ZNF609: variants seen among roughly 807,000 people sequenced by gnomAD.
ZNF609 encodes the protein zinc finger protein 609.
In ZNF609, 11 loss-of-function variants were observed where a neutral mutation model predicts 109.5. The ratio of observed to expected loss-of-function variants is 0.10; its 90% CI spans 0.06 to 0.17. ZNF609 has a LOEUF of 0.17. ZNF609 is among the 10% of genes least tolerant of loss of function. ZNF609 has a pLI of 1.00. For missense variants in ZNF609, 1,559 were observed against 1,772.4 expected (o/e 0.88, Z 2.16); for synonymous variants, 646 against 662.0 (o/e 0.98, Z 0.37).
At chr15:64,654,209 G>T (rs1340127845) in intron 3 of ZNF609, 4 of 152,126 alleles carry the variant, frequency 2.6e-5, no homozygotes, top group Admixed American at 2.0e-4. Context: ...GCTAATTTTT[G>T]TATTTTTAGT....
At chr15:64,576,102 AAAT>A (rs547815852) in intron 2 of ZNF609, among the ~76,000 whole-genome samples, 116 of 152,108 alleles carry the variant, frequency 7.6e-4, no homozygotes, top group African/African-American at 2.5e-3. Context: ...ACTCAGTCTC[AAAT>A]AATAATAATA....
chr15:64,626,010 G>A (rs1159114482), intron 3 of ZNF609, among the ~76,000 whole-genome samples: 1 of 145,538 alleles, frequency 6.9e-6, no homozygotes, highest in Non-Finnish European at 1.5e-5. Flanking sequence ...TGGTGTCGAA[G>A]TACTTTCCAA....
chr15:64,613,818 G>C (rs1895754660), intron 2 of ZNF609, among the ~76,000 whole-genome samples: 1 of 152,028 alleles, frequency 6.6e-6, no homozygotes, highest in African/African-American at 2.4e-5. Context: ...AAAGTGCTGG[G>C]ATTACAGGCG....
intron 2 of ZNF609, among the ~76,000 whole-genome samples, chr15:64,504,636 G>GT (rs767874531): frequency 0.017 from 2,387 of 136,932 alleles, 47 homozygotes; most frequent in African/African-American, 0.051. Flanking sequence ...TGCCTGGCTA[G>GT]TTTTTTTTTT....
At chr15:64,659,474 T>G (rs1235181966) in intron 3 of ZNF609, among the ~76,000 whole-genome samples, 1 of 152,108 alleles carries the variant, frequency 6.6e-6, no homozygotes, top group Non-Finnish European at 1.5e-5. Context: ...AGAAGGAAGT[T>G]GGATGTAATA....
intron 2 of ZNF609, among the ~76,000 whole-genome samples, chr15:64,595,324 G>A (rs562246720): frequency 1.3e-5 from 2 of 148,718 alleles, no homozygotes; most frequent in East Asian, 4.0e-4. Context: ...TCATGCCACT[G>A]CACTCCAGCC....
At chr15:64,600,589 T>C (rs1895481123) in intron 2 of ZNF609, among the ~76,000 whole-genome samples, 1 of 147,544 alleles carries the variant, frequency 6.8e-6, no homozygotes, top group South Asian at 2.2e-4. Flanking sequence ...TGAGCCAAGA[T>C]TGTGCCACTG....
chr15:64,590,569 T>G lies in ZNF609; in HGVS notation c.748-32258T>G, dbSNP rs557060701. ...CCTGGCCTCAGATGATCCATCCACC[T>G]TGGCCTCCCAAAGTGCTGGAATTGC... On this transcript the variant is annotated intron_variant, in intron 2 of 9. Coordinates refer to ENST00000326648, the MANE Select transcript of ZNF609 (RefSeq NM_015042.2). 5.3e-5 allele frequency among the ~76,000 whole-genome samples: 8 copies of G among 152,152 alleles called. No homozygotes were observed. In the South Asian group the frequency reaches 1.2e-3, roughly 24 times the overall value.
chr15:64,519,115 AGGGCGGGGGGCGGG>A (rs953607787), intron 2 of ZNF609, among the ~76,000 whole-genome samples: 8 of 10,166 alleles, frequency 7.9e-4, no homozygotes, highest in East Asian at 7.8e-3. Flanking sequence ...TGGCGGGTGC[AGGGCGGGGGGCGGG>A]GGGCGGGGGC....
intron 2 of ZNF609, among the ~76,000 whole-genome samples, chr15:64,575,378 C>T (rs1029947608): frequency 1.2e-4 from 18 of 151,018 alleles, no homozygotes; most frequent in South Asian, 8.3e-4. Context: ...GAGCCTAGAT[C>T]GCACCATTGC....
chr15:64,547,567 G>A (rs541142033), intron 2 of ZNF609, among the ~76,000 whole-genome samples: 3 of 152,142 alleles, frequency 2.0e-5, no homozygotes, highest in South Asian at 4.1e-4. Context: ...ATCTGGCTCT[G>A]GCTCATAAGA....
intron 2 of ZNF609, among the ~76,000 whole-genome samples, chr15:64,549,437 A>G (rs1894426650): frequency 6.6e-6 from 1 of 152,178 alleles, no homozygotes; most frequent in Non-Finnish European, 1.5e-5. Flanking sequence ...AGGCCTCCCA[A>G]AGTGCTGGGA....
Position 64,681,334 on chromosome 15 carries a change from C to T in ZNF609, c.4188C>T (p.Ala1396=). ...GGCTTTCTTCTACAGCCATTGTTGC[C>T]AGCCAACAAGGCTCAACTCCCTCAC... ...AAGLSSTAIV[A]SQQGSTPSLY... is the part of the protein sequence containing the mutation. The change falls in exon 9 of 10, where the codon GCC becomes GCT. Residue 1396 remains alanine, a synonymous_variant. Coordinates refer to ENST00000326648, the MANE Select transcript of ZNF609 (RefSeq NM_015042.2). 6.2e-7 allele frequency: 1 copy of T among 1,614,074 alleles called. No individual in the cohort carries two copies. The highest frequency in any genetic ancestry group is 8.5e-7 in the Non-Finnish European group (1 of 1,179,982).
At chr15:64,670,652 G>T (rs564802052) in intron 4 of ZNF609, among the ~76,000 whole-genome samples, 1 of 152,154 alleles carries the variant, frequency 6.6e-6, no homozygotes, top group South Asian at 2.1e-4. Context: ...GCTGAGGCAG[G>T]CGGATCACCT....
intron 3 of ZNF609, among the ~76,000 whole-genome samples, chr15:64,634,729 G>A (rs115968334): frequency 5.0e-4 from 76 of 152,194 alleles, no homozygotes; most frequent in African/African-American, 1.8e-3. Context: ...ATACTAGCTT[G>A]AATCCCGAAG....
chr15:64,536,406 C>T (rs1169245534), intron 2 of ZNF609, among the ~76,000 whole-genome samples: 1 of 152,084 alleles, frequency 6.6e-6, no homozygotes, highest in Non-Finnish European at 1.5e-5. Flanking sequence ...TCCAGACTTC[C>T]TGGGAATTCA....
chr15:64,510,778 TTGAC>T (rs1195163959), intron 2 of ZNF609, among the ~76,000 whole-genome samples: 1 of 152,148 alleles, frequency 6.6e-6, no homozygotes, highest in East Asian at 1.9e-4. Context: ...ATGTGACAAT[TTGAC>T]TGTGCACCTG....
At chr15:64,681,581 C>T in intron 9 of ZNF609, 111 bp from the exon 10 acceptor site, 1 of 571,378 alleles carries the variant, frequency 1.8e-6, no homozygotes, top group South Asian at 2.2e-5. Flanking sequence ...CACAGTGTCC[C>T]CTAGGGACCA....
At chr15:64,532,550 CTCTG>C (rs563277119) in intron 2 of ZNF609, among the ~76,000 whole-genome samples, 72 of 152,244 alleles carry the variant, frequency 4.7e-4, no homozygotes, top group African/African-American at 1.5e-3. Context: ...TGGTTTTGTT[CTCTG>C]TCTTTTTTGT....
Sources: allele counts gnomAD v4.1 joint callset (sites outside exome capture counted in the v4.1 genomes callset), GRCh38; gene constraint gnomAD v4.1.1; transcripts MANE v1.5; gene names NCBI Gene and HGNC (gene_info 2026-07-23, HGNC 2026-07-21).